OAF: variants seen among roughly 807,000 people sequenced by gnomAD.
OAF encodes out at first homolog.
OAF carries 13 observed loss-of-function variants against 22.5 expected under a neutral mutation model. That is an observed-to-expected ratio of 0.58 (90% CI 0.38 to 0.92). The LOEUF (loss-of-function observed/expected upper bound fraction) is 0.92, where lower values mean the gene tolerates loss of function less well. Among genes scored for constraint, OAF ranks in the 40% least tolerant of loss-of-function variants. OAF has a pLI of 0.00. For synonymous variants in OAF, 175 were observed against 170.5 expected (o/e 1.03, Z -0.21); for missense variants, 347 against 381.8 (o/e 0.91, Z 0.76).
At chr11:120,220,347 C>A (rs547695798) in intron 1 of OAF, among the ~76,000 whole-genome samples, 2 of 152,282 alleles carry the variant, frequency 1.3e-5, no homozygotes, top group South Asian at 4.1e-4. Flanking sequence ...CCTTCCCCTC[C>A]TCCCCTAGTA....
chr11:120,216,253 A>T (rs552480659), intron 1 of OAF, among the ~76,000 whole-genome samples: 1 of 152,142 alleles, frequency 6.6e-6, no homozygotes, highest in Non-Finnish European at 1.5e-5. Flanking sequence ...GGAATGTGCA[A>T]TGTCCACGTT....
At chr11:120,224,492 G>C (rs550336493) in intron 1 of OAF, among the ~76,000 whole-genome samples, 1 of 152,316 alleles carries the variant, frequency 6.6e-6, no homozygotes, top group African/African-American at 2.4e-5. Flanking sequence ...ATACATTGCA[G>C]CTTCGGGGCG....
intron 2 of OAF, among the ~76,000 whole-genome samples, chr11:120,226,524 C>T (rs931194811): frequency 6.6e-6 from 1 of 152,254 alleles, no homozygotes; most frequent in Non-Finnish European, 1.5e-5. Flanking sequence ...CTGGCCCACC[C>T]ACCTCCACCT....
chr11:120,220,789 C>A (rs145440416), intron 1 of OAF, among the ~76,000 whole-genome samples: 83 of 152,304 alleles, frequency 5.4e-4, no homozygotes, highest in African/African-American at 1.9e-3. Context: ...ACAAGCTCTC[C>A]GGTTCAGTGC....
Position 120,229,372 on chromosome 11 carries a change from G to A in OAF, c.*230G>A. On this transcript the variant is annotated 3_prime_UTR_variant, in exon 4 of 4. Coordinates refer to ENST00000328965, the MANE Select transcript of OAF (RefSeq NM_178507.4). ...ACCCTGTGCCTTCCTTGCGGGCAGA[G>A]AGGGAGAGAAGGGCTCCCCAGATCT... 1 of 451,328 alleles carries A rather than the reference G, an allele frequency of 2.2e-6. No individual in the cohort carries two copies. The highest frequency in any genetic ancestry group is 3.9e-6 in the Non-Finnish European group (1 of 255,624). 28.0% of individuals were successfully genotyped at this position (451,328 alleles called of 1,614,324 possible). A position where few individuals can be genotyped will look rare whatever the true frequency, so the allele number is the denominator to read the frequency against.
chr11:120,211,336 G>A lies in OAF; in HGVS notation c.57G>A (p.Leu19=). ...CTGCGCTGCTGCTGCTGCTGCCGCT[G>A]CTCGCGCCGCTGCTGGGAACGGGTG... is the stretch of plus-strand genomic sequence containing the variant. ...ARPALLLLLP[L]LAPLLGTGAP... is the part of the protein sequence containing the mutation. The change falls in exon 1 of 4, where the codon CTG becomes CTA. Residue 19 remains leucine, a synonymous_variant. Coordinates refer to ENST00000328965, the MANE Select transcript of OAF (RefSeq NM_178507.4). 1 of 1,407,356 alleles carries A rather than the reference G, an allele frequency of 7.1e-7. No individual in the cohort carries two copies. Among genetic ancestry groups the A allele is most frequent in the Non-Finnish European group, 9.3e-7 (1 of 1,078,810 alleles). 87.2% of individuals were successfully genotyped at this position (1,407,356 alleles called of 1,614,324 possible). A position where few individuals can be genotyped will look rare whatever the true frequency, so the allele number is the denominator to read the frequency against.
At chr11:120,211,565 C>A in intron 1 of OAF, 55 bp downstream of exon 1, 1 of 1,250,686 alleles carries the variant, frequency 8.0e-7, no homozygotes, top group Non-Finnish European at 1.1e-6. Flanking sequence ...CCCCCGGGAT[C>A]CCAGGCGCTC....
rs971764163 is a variant in OAF at position 120,211,053 on chromosome 11, G to C, written c.-227G>C. 5.8e-6 allele frequency: 1 copy of C among 173,766 alleles called. No homozygotes were observed. Among genetic ancestry groups the C allele is most frequent in the Non-Finnish European group, 1.2e-5 (1 of 83,260 alleles). The allele number at this position is 173,766 out of a possible 1,614,324, so 10.8% of individuals were successfully genotyped here. A position where few individuals can be genotyped will look rare whatever the true frequency, so the allele number is the denominator to read the frequency against. On this transcript the variant is annotated 5_prime_UTR_variant, in exon 1 of 4. Transcript: ENST00000328965. ...CAGCGCTGGAGCCCGGGGCCGCGGA[G>C]CCGGGCCGGGGCAGCGCCGTCTCCG...
At position 120,211,411 on chromosome 11, in the gene OAF, C is replaced by G. The variant is rs756196835; in HGVS notation, c.132C>G (p.Thr44=). Residue 44 remains threonine (T), a synonymous_variant, in exon 1 of 4, where the codon ACC becomes ACG. Coordinates refer to ENST00000328965, the MANE Select transcript of OAF (RefSeq NM_178507.4). ...TGCGGCTGCCGGACGGCCAGGTGAC[C>G]GAGGAGAGCCTGCAGGCGGACAGCG... The part of the protein sequence containing the change: ...VRVRLPDGQV[T]EESLQADSDA... 43 of 1,535,958 alleles carry G rather than the reference C, an allele frequency of 2.8e-5. No homozygotes were observed. The highest frequency in any genetic ancestry group is 3.5e-5 in the Non-Finnish European group (40 of 1,143,096).
intron 1 of OAF, among the ~76,000 whole-genome samples, chr11:120,224,478 A>G (rs1938325693): frequency 6.6e-6 from 1 of 152,230 alleles, no homozygotes; most frequent in South Asian, 2.1e-4. Flanking sequence ...TGGAGGACTC[A>G]CTAATACATT....
At chr11:120,224,380 T>A (rs1938324647) in intron 1 of OAF, among the ~76,000 whole-genome samples, 1 of 152,208 alleles carries the variant, frequency 6.6e-6, no homozygotes, top group South Asian at 2.1e-4. Context: ...GTGAGAATCT[T>A]CAGATAACTT....
chr11:120,219,563 T>C (rs529978753), intron 1 of OAF, among the ~76,000 whole-genome samples: 1 of 152,290 alleles, frequency 6.6e-6, no homozygotes, highest in East Asian at 1.9e-4. Flanking sequence ...CTGCCGTCTC[T>C]CAGCGCATTC....
chr11:120,215,599 C>T (rs1245119425), intron 1 of OAF, among the ~76,000 whole-genome samples: 2 of 152,218 alleles, frequency 1.3e-5, no homozygotes, highest in Non-Finnish European at 2.9e-5. Context: ...CAACACTCTC[C>T]TTTATACTCC....
At chr11:120,213,701 TCTCAAGGCCCCATGCCTCATAG>T (rs1938178894) in intron 1 of OAF, 1 of 152,166 alleles carries the variant, frequency 6.6e-6, no homozygotes, top group Non-Finnish European at 1.5e-5. Context: ...ACCTCTCAGT[TCTCAAGGCCCCATGCCTCATAG>T]TGTTTGTCAG....
At chr11:120,217,041 G>A (rs1165083919) in intron 1 of OAF, 3 of 152,196 alleles carry the variant, frequency 2.0e-5, no homozygotes, top group African/African-American at 7.2e-5. Context: ...TACCATGAGT[G>A]GGCTCCTTCC....
At chr11:120,228,821 T>TACCAAACCAACC in intron 3 of OAF, 47 bp from the exon 4 acceptor site, 2 of 520,280 alleles carry the variant, frequency 3.8e-6, no homozygotes, top group African/African-American at 2.0e-5. Flanking sequence ...GGGAGCTCCT[T>TACCAAACCAACC]CCCTCCCTCC....
chr11:120,222,747 A>AG (rs1254169390), intron 1 of OAF, among the ~76,000 whole-genome samples: 3 of 151,766 alleles, frequency 2.0e-5, no homozygotes, highest in Non-Finnish European at 2.9e-5. Flanking sequence ...CCCTGTCTCT[A>AG]CTAAAAATAC....
chr11:120,218,457 CT>C (rs1311276075), intron 1 of OAF, among the ~76,000 whole-genome samples: 1 of 152,196 alleles, frequency 6.6e-6, no homozygotes, highest in East Asian at 1.9e-4. Flanking sequence ...GCTAAACCCC[CT>C]CTCCCCTCCC....
At chr11:120,215,942 T>C (rs1938206300) in intron 1 of OAF, among the ~76,000 whole-genome samples, 2 of 151,756 alleles carry the variant, frequency 1.3e-5, no homozygotes, top group South Asian at 2.1e-4. Context: ...TCAGGGAGGA[T>C]AGGGAGACAC....
Sources: gnomAD v4.1 joint callset for allele counts (sites outside exome capture counted in the v4.1 genomes callset) on GRCh38, gnomAD v4.1.1 for gene constraint, MANE v1.5 for transcripts, NCBI Gene and HGNC (gene_info 2026-07-23, HGNC 2026-07-21) for gene names.